The following GPATCH2 variants were observed in gnomAD, a reference collection of about 807,000 sequenced individuals.
GPATCH2 encodes G-patch domain containing 2, also known as G patch domain-containing protein 2.
GPATCH2 carries 51 observed loss-of-function variants against 58.0 expected under a neutral mutation model. That is an observed-to-expected ratio of 0.88 (90% CI 0.70 to 1.11). GPATCH2 has a LOEUF of 1.11. Ranked by LOEUF, GPATCH2 falls within the 50% of genes most tolerant of loss-of-function variation. The pLI, the probability that GPATCH2 is intolerant of heterozygous loss-of-function variation, is 0.00. For missense variants in GPATCH2, 625 were observed against 652.2 expected (o/e 0.96, Z 0.45); for synonymous variants, 222 against 218.5 (o/e 1.02, Z -0.14).
At chr1:217,476,570 G>A (rs556110962) in intron 8 of GPATCH2, among the ~76,000 whole-genome samples, 6 of 152,218 alleles carry the variant, frequency 3.9e-5, no homozygotes, top group African/African-American at 1.4e-4. Context: ...ATGCTCTAGG[G>A]TGAGGGAGAG....
intron 5 of GPATCH2, among the ~76,000 whole-genome samples, chr1:217,561,032 A>G (rs1450493799): frequency 2.0e-5 from 3 of 152,236 alleles, no homozygotes; most frequent in African/African-American, 7.2e-5. Context: ...GTTTAAAAAT[A>G]AACAGTTTTG....
Position 217,539,941 on chromosome 1 carries a change from A to T in GPATCH2, c.1099-25052T>A, listed in dbSNP as rs569595200. On this transcript the variant is annotated intron_variant, in intron 5 of 9. Coordinates refer to ENST00000366935, the MANE Select transcript of GPATCH2 (RefSeq NM_018040.5). ...TCTATGCTTACTGTATGTTTGAAATAGTCACTACTTTTATCATAACCACTT... is the reference window on the plus strand; with the variant it reads ...TCTATGCTTACTGTATGTTTGAAATTGTCACTACTTTTATCATAACCACTT... Among the ~76,000 whole-genome samples, 5 of 152,342 alleles carry T rather than the reference A, an allele frequency of 3.3e-5. No homozygotes were observed. The East Asian group carries it at 7.7e-4, about 24-fold the overall frequency.
chr1:217,446,575 T>G (rs1208149372), intron 9 of GPATCH2, among the ~76,000 whole-genome samples: 1 of 152,140 alleles, frequency 6.6e-6, no homozygotes, highest in Non-Finnish European at 1.5e-5. Flanking sequence ...CAGTTATGCA[T>G]AGATTTTAAA....
chr1:217,462,244 C>G (rs1660229630), intron 8 of GPATCH2, among the ~76,000 whole-genome samples: 1 of 152,090 alleles, frequency 6.6e-6, no homozygotes, highest in Non-Finnish European at 1.5e-5. Flanking sequence ...CTGTCTTTTC[C>G]TCTTCTCATT....
chr1:217,491,596 G>A lies in GPATCH2; in HGVS notation c.1277+84C>T, dbSNP rs148459810. 186 of 574,444 alleles carry A rather than the reference G, an allele frequency of 3.2e-4. 1 individual carries two copies. Among genetic ancestry groups the A allele is most frequent in the Middle Eastern group, 3.0e-3 (8 of 2,660 alleles). The allele number at this position is 574,444 out of a possible 1,614,324, so 35.6% of individuals were successfully genotyped here. A position where few individuals can be genotyped will look rare whatever the true frequency, so the allele number is the denominator to read the frequency against. ...TTAAGGTGACTTTTTAGAACCAAAG[G>A]CAACCTAACAACAATTCATTACATT... On this transcript the variant is annotated intron_variant, in intron 8 of 9. Transcript: ENST00000366935.
chr1:217,483,856 T>C (rs1238151075), intron 8 of GPATCH2, among the ~76,000 whole-genome samples: 2 of 152,216 alleles, frequency 1.3e-5, no homozygotes, highest in Non-Finnish European at 1.5e-5. Flanking sequence ...TCAGAGTTGT[T>C]TACATATTCT....
intron 1 of GPATCH2, among the ~76,000 whole-genome samples, chr1:217,622,753 C>G (rs1045686239): frequency 6.6e-6 from 1 of 152,220 alleles, no homozygotes; most frequent in Non-Finnish European, 1.5e-5. Context: ...CTGTGTTGGC[C>G]AGGCTGATCT....
chr1:217,437,763 C>T (rs927683620), intron 9 of GPATCH2, among the ~76,000 whole-genome samples: 2 of 152,224 alleles, frequency 1.3e-5, no homozygotes, highest in African/African-American at 4.8e-5. Context: ...AACCCCATCT[C>T]CCTGGGACAG....
chr1:217,555,161 T>A (rs1035191794), intron 5 of GPATCH2, among the ~76,000 whole-genome samples: 2 of 152,180 alleles, frequency 1.3e-5, no homozygotes, highest in African/African-American at 4.8e-5. Context: ...TATTTTTTGT[T>A]CCAGGTCCTC....
At chr1:217,540,328 G>A (rs1444090178) in intron 5 of GPATCH2, among the ~76,000 whole-genome samples, 1 of 152,092 alleles carries the variant, frequency 6.6e-6, no homozygotes, top group African/African-American at 2.4e-5. Context: ...AGGTACTATT[G>A]GGTCCTATGG....
intron 5 of GPATCH2, among the ~76,000 whole-genome samples, chr1:217,571,684 C>T (rs74651862): frequency 0.08 from 5,439 of 68,192 alleles, 247 homozygotes; most frequent in East Asian, 0.3. Flanking sequence ...ATTCGCCCAG[C>T]GAAGAACAAA....
chr1:217,589,628 T>A (rs1667499359), intron 5 of GPATCH2, among the ~76,000 whole-genome samples: 1 of 152,192 alleles, frequency 6.6e-6, no homozygotes, highest in Non-Finnish European at 1.5e-5. Flanking sequence ...AAATGGCTCC[T>A]AACACATTGG....
In GPATCH2 at chr1:217,541,342, C is replaced by T. The variant is rs1358217441; in HGVS notation, c.1099-26453G>A. Among the ~76,000 whole-genome samples, 3 of 152,180 alleles carry T rather than the reference C, an allele frequency of 2.0e-5. No homozygotes were observed. The East Asian group carries it at 5.8e-4, about 29-fold the overall frequency. On this transcript the variant is annotated intron_variant, in intron 5 of 9. Coordinates refer to ENST00000366935, the MANE Select transcript of GPATCH2 (RefSeq NM_018040.5). Reference sequence around the variant, plus strand: ...CAATTCGGCAGTAGAAATGACTGGGCACAAGGTAATAACTGCTCTATTCAG... The same window carrying T: ...CAATTCGGCAGTAGAAATGACTGGGTACAAGGTAATAACTGCTCTATTCAG...
chr1:217,565,129 A>AT (rs1372322804), intron 5 of GPATCH2, among the ~76,000 whole-genome samples: 1 of 152,168 alleles, frequency 6.6e-6, no homozygotes, highest in Non-Finnish European at 1.5e-5. Flanking sequence ...ATTATTTGAG[A>AT]TTTTAGTCAC....
At chr1:217,511,343 C>A (rs1184765951) in intron 6 of GPATCH2, among the ~76,000 whole-genome samples, 1 of 152,012 alleles carries the variant, frequency 6.6e-6, no homozygotes, top group African/African-American at 2.4e-5. Flanking sequence ...AAAGTAAGAA[C>A]CAGCAAAATA....
At chr1:217,571,703 C>CAAAAAAAAAA (rs11463536) in intron 5 of GPATCH2, among the ~76,000 whole-genome samples, 27 of 73,806 alleles carry the variant, frequency 3.7e-4, no homozygotes, top group East Asian at 1.0e-3. Context: ...AAAACGAAAC[C>CAAAAAAAAAA]AAAAAAAAAA....
At chr1:217,462,730 C>T (rs993760366) in intron 8 of GPATCH2, among the ~76,000 whole-genome samples, 1 of 152,156 alleles carries the variant, frequency 6.6e-6, no homozygotes, top group South Asian at 2.1e-4. Context: ...TTTTCTTCAA[C>T]TAAATTCATA....
In GPATCH2 at chr1:217,620,407, GT is replaced by G; in HGVS notation, c.148del (p.Thr50GlnfsTer12). The part of the protein sequence containing the change: ...SEQARGGFAE[T>X]GDHSRSISCP... ...AGATATACTTCGAGAATGGTCTCCTGTTTCAGCAAATCCACCTCGAGCTTGC... is the reference window on the plus strand; with the variant it reads ...AGATATACTTCGAGAATGGTCTCCTGTTCAGCAAATCCACCTCGAGCTTGC... On this transcript the variant is annotated frameshift_variant, in exon 2 of 10. Transcript: ENST00000366935. LOFTEE classifies it high-confidence loss of function. 6.2e-7 allele frequency: 1 copy of G among 1,613,992 alleles called. No homozygotes were observed. Among genetic ancestry groups the G allele is most frequent in the Non-Finnish European group, 8.5e-7 (1 of 1,179,942 alleles).
At chr1:217,452,685 T>C (rs572482730) in intron 8 of GPATCH2, among the ~76,000 whole-genome samples, 11 of 152,292 alleles carry the variant, frequency 7.2e-5, no homozygotes, top group African/African-American at 2.4e-4. Context: ...TTTTTTTCCA[T>C]CTGCTGGACC....
Sources: gnomAD v4.1 joint callset for allele counts (sites outside exome capture counted in the v4.1 genomes callset) on GRCh38, gnomAD v4.1.1 for gene constraint, MANE v1.5 for transcripts, NCBI Gene and HGNC (gene_info 2026-07-23, HGNC 2026-07-21) for gene names.